The following EFCAB5 variants were observed in gnomAD, a reference collection of about 807,000 sequenced individuals.
EFCAB5 encodes the protein EF-hand calcium-binding domain-containing protein 5.
Under a neutral mutation model 167.9 loss-of-function variants are expected in EFCAB5, and 131 were observed. The observed-to-expected ratio is 0.78, with a 90% CI of 0.68 to 0.90. The LOEUF is 0.90. Ranked by LOEUF, EFCAB5 falls within the 40% of genes least tolerant of loss-of-function variation. The probability of loss-of-function intolerance (pLI) is 0.00; values close to 1 mark genes in which losing one functional copy is unlikely to be tolerated. For synonymous variants in EFCAB5, 574 were observed against 602.8 expected (o/e 0.95, Z 0.70); for missense variants, 1,663 against 1,745.2 (o/e 0.95, Z 0.84).
intron 7 of EFCAB5, among the ~76,000 whole-genome samples, chr17:30,027,425 A>G (rs1360978837): frequency 6.7e-6 from 1 of 149,726 alleles, no homozygotes; most frequent in Non-Finnish European, 1.5e-5. Context: ...CTCTCTTTAT[A>G]CTTTATTAGG....
At chr17:30,075,584 A>G (rs1252173170) in intron 14 of EFCAB5, among the ~76,000 whole-genome samples, 1 of 151,994 alleles carries the variant, frequency 6.6e-6, no homozygotes, top group Non-Finnish European at 1.5e-5. Flanking sequence ...TAAACACCCC[A>G]TGTTGGGCAT....
chr17:29,964,161 T>G (rs1567681288), intron 3 of EFCAB5, among the ~76,000 whole-genome samples: 1 of 152,138 alleles, frequency 6.6e-6, no homozygotes, highest in Non-Finnish European at 1.5e-5. Context: ...CGACACAAAA[T>G]AAACTAACTA....
chr17:29,936,927 A>G (rs953687439), upstream of EFCAB5, among the ~76,000 whole-genome samples: 21 of 152,222 alleles, frequency 1.4e-4, no homozygotes, highest in African/African-American at 5.1e-4. Context: ...CCTGCCAAGT[A>G]AAACCAAACT....
In EFCAB5 at chr17:30,020,362, T is replaced by G. The variant is rs991499524; in HGVS notation, c.1045-13868T>G. On this transcript the variant is annotated intron_variant, in intron 7 of 22. Transcript: ENST00000394835. ...ATTTTACCTATGCACTATTCTTTTT[T>G]TTTTTTTCTTTTTTTTTTTTGAGAC... Among the ~76,000 whole-genome samples the G allele has an allele frequency of 4.0e-5, 6 of 151,232 alleles. 1 individual carries two copies. Among genetic ancestry groups the G allele is most frequent in the Non-Finnish European group, 8.9e-5 (6 of 67,760 alleles).
At chr17:30,036,593 C>T (rs947765270) in intron 8 of EFCAB5, among the ~76,000 whole-genome samples, 1 of 151,524 alleles carries the variant, frequency 6.6e-6, no homozygotes. Context: ...CCATGCCTGG[C>T]TAATTTTTAA....
intron 7 of EFCAB5, among the ~76,000 whole-genome samples, chr17:30,003,100 G>C (rs762666446): frequency 0.014 from 1,616 of 112,962 alleles, 23 homozygotes; most frequent in African/African-American, 0.05. Context: ...TTTTTGTAGC[G>C]GGGGGGGGGT....
intron 7 of EFCAB5, among the ~76,000 whole-genome samples, chr17:30,032,524 A>T (rs2069505156): frequency 6.6e-6 from 1 of 152,192 alleles, no homozygotes; most frequent in Non-Finnish European, 1.5e-5. Flanking sequence ...CATGTAAAAG[A>T]TGTCCTCCCT....
Position 30,078,388 on chromosome 17 carries a change from G to A in EFCAB5, c.2911G>A (p.Glu971Lys). Residue 971 changes from glutamate (E) to lysine (K), a missense_variant, in exon 15 of 23, where the codon GAG becomes AAG. Transcript: ENST00000394835. ...GAATGCTTTAGAGAGGAGCCACATT[G>A]AGAGTCTGAGGAATTCTGCCAGGCG... ...LMNALERSHI[E>K]SLRNSARRKW... 1 of 1,614,038 alleles carries A rather than the reference G, an allele frequency of 6.2e-7. No homozygotes were observed. Among genetic ancestry groups the A allele is most frequent in the Non-Finnish European group, 8.5e-7 (1 of 1,179,890 alleles).
chr17:30,055,774 A>T, intron 10 of EFCAB5, 114 bp from the exon 11 acceptor site: 1 of 1,062,648 alleles, frequency 9.4e-7, no homozygotes, highest in African/African-American at 1.6e-5. Context: ...ATGGGAAAGT[A>T]CTTAGAGTTT....
At chr17:30,013,599 T>A (rs146273980) in intron 7 of EFCAB5, among the ~76,000 whole-genome samples, 4 of 152,226 alleles carry the variant, frequency 2.6e-5, no homozygotes, top group Non-Finnish European at 4.4e-5. Flanking sequence ...TAGAGGTGTT[T>A]ATAGTATTCT....
At chr17:29,932,704 T>C (rs1351929952) in intron 1 of EFCAB5, among the ~76,000 whole-genome samples, 1 of 152,088 alleles carries the variant, frequency 6.6e-6, no homozygotes, top group East Asian at 1.9e-4. Context: ...ATGATCCACC[T>C]GCCTTGGCCT....
intron 7 of EFCAB5, among the ~76,000 whole-genome samples, chr17:30,011,348 A>T (rs1204040657): frequency 6.6e-6 from 1 of 152,140 alleles, no homozygotes; most frequent in Non-Finnish European, 1.5e-5. Context: ...GAAGAAAGTT[A>T]TTGGTAGCTT....
At chr17:30,011,537 A>G (rs917215676) in intron 7 of EFCAB5, among the ~76,000 whole-genome samples, 1 of 152,042 alleles carries the variant, frequency 6.6e-6, no homozygotes, top group African/African-American at 2.4e-5. Flanking sequence ...TGTAAGTTGG[A>G]TTCCTAGGTA....
intron 7 of EFCAB5, among the ~76,000 whole-genome samples, chr17:30,025,168 G>C (rs1365331351): frequency 6.6e-6 from 1 of 151,974 alleles, no homozygotes; most frequent in East Asian, 1.9e-4. Flanking sequence ...ATTGACAAAT[G>C]GGATCTAATT....
At chr17:29,946,429 C>CTTTTTT (rs58247381) in intron 3 of EFCAB5, among the ~76,000 whole-genome samples, 5 of 85,390 alleles carry the variant, frequency 5.9e-5, no homozygotes, top group South Asian at 4.1e-4. Context: ...ATGGAAATTT[C>CTTTTTT]TTTTTTTTTT....
chr17:30,049,906 G>A (rs1413022861), intron 8 of EFCAB5, among the ~76,000 whole-genome samples: 4 of 152,082 alleles, frequency 2.6e-5, no homozygotes, highest in East Asian at 3.9e-4. Flanking sequence ...CACAGGAGAC[G>A]TGTATAAGGA....
At position 30,099,412 on chromosome 17, in the gene EFCAB5, GTAAGACT is replaced by G. The variant is rs766837692; in HGVS notation, c.4321+6480_4321+6486del. 1.3e-3 allele frequency among the ~76,000 whole-genome samples: 191 copies of G among 148,080 alleles called. 2 individuals carry two copies. The highest frequency in any genetic ancestry group is 2.0e-3 in the Admixed American group (28 of 14,294). ...ACTGCACTCCAGCCTGGGCAACAAA[GTAAGACT>G]TAATCTCTTAAAAAAAAAAATAGGC... On this transcript the variant is annotated intron_variant, in intron 22 of 22. Transcript: ENST00000394835.
At chr17:30,069,224 A>G in intron 14 of EFCAB5, 4 of 1,546,032 alleles carry the variant, frequency 2.6e-6, no homozygotes, top group Non-Finnish European at 3.6e-6. Context: ...AAACCCTGCC[A>G]CTGAAGAACA....
intron 14 of EFCAB5, among the ~76,000 whole-genome samples, chr17:30,076,408 T>C (rs1281006929): frequency 6.6e-6 from 1 of 152,212 alleles, no homozygotes; most frequent in East Asian, 1.9e-4. Context: ...TGATCAGAGA[T>C]GGGAATGAAG....
Sources: allele counts gnomAD v4.1 joint callset (sites outside exome capture counted in the v4.1 genomes callset), GRCh38; gene constraint gnomAD v4.1.1; transcripts MANE v1.5; gene names NCBI Gene and HGNC (gene_info 2026-07-23, HGNC 2026-07-21).